Variants in COL4A3 observed in about 807,000 individuals in gnomAD.
COL4A3 encodes the protein collagen type IV alpha 3 chain, also known as collagen alpha-3(IV) chain.
In COL4A3, 135 loss-of-function variants were observed where a neutral mutation model predicts 217.4. That is an observed-to-expected ratio of 0.62 (90% CI 0.54 to 0.72). The LOEUF is 0.72. COL4A3 is among the 30% of genes least tolerant of loss of function. The pLI is 0.00. For missense variants in COL4A3, 1,868 were observed against 2,119.9 expected (o/e 0.88, Z 2.33); for synonymous variants, 690 against 736.3 (o/e 0.94, Z 1.02).
chr2:227,251,105 T>C, intron 9 of COL4A3, 35 bp from the exon 10 acceptor site: 1 of 1,528,162 alleles, frequency 6.5e-7, no homozygotes, highest in Non-Finnish European at 9.1e-7. Context: ...GAGAAGTAAA[T>C]TTAAACTTAC....
rs1390327189 is a variant in COL4A3 at position 227,253,133 on chromosome 2, A to G, written c.646-163A>G. On this transcript the variant is annotated intron_variant, in intron 11 of 51. Transcript: ENST00000396578. This position sits in a 1 kb window ranked among gnomAD's most constrained non-coding sequence, Gnocchi z 4.4. ...CCTTAAGAGCTCCTCCTTTAAAAGAAACATATCAATGCTCTTCTCTAAGAA... is the reference window on the plus strand; with the variant it reads ...CCTTAAGAGCTCCTCCTTTAAAAGAGACATATCAATGCTCTTCTCTAAGAA... 1.3e-5 allele frequency among the ~76,000 whole-genome samples: 2 copies of G among 152,322 alleles called. No individual in the cohort carries two copies. The highest frequency in any genetic ancestry group is 3.9e-4 in the East Asian group (2 of 5,190).
intron 24 of COL4A3, 80 bp from the exon 25 acceptor site, chr2:227,270,690 C>A: frequency 7.1e-7 from 1 of 1,406,734 alleles, no homozygotes; most frequent in Non-Finnish European, 1.0e-6. Context: ...TTGAAAAGTT[C>A]TTGTCCACAC....
intron 1 of COL4A3, among the ~76,000 whole-genome samples, chr2:227,215,120 G>A (rs781334436): frequency 2.0e-5 from 3 of 151,776 alleles, no homozygotes; most frequent in African/African-American, 4.8e-5. Flanking sequence ...TTTTCATTTT[G>A]TGGATAGGTC....
intron 3 of COL4A3, among the ~76,000 whole-genome samples, chr2:227,243,046 T>C (rs1024737671): frequency 1.3e-5 from 2 of 152,322 alleles, no homozygotes; most frequent in African/African-American, 2.4e-5. Flanking sequence ...ACTTCAACCC[T>C]GGACTTAGAT....
Position 227,203,532 on chromosome 2 carries a change from T to C in COL4A3, c.88-34436T>C, listed in dbSNP as rs201050653. On this transcript the variant is annotated intron_variant, in intron 1 of 51. Transcript: ENST00000396578. The stretch of plus-strand genomic sequence containing the variant: ...ATATATGTGTGTATATATGTGTATA[T>C]ATACATATATGTGTGTATATATGTG... Among the ~76,000 whole-genome samples, 11 of 17,922 alleles carry C rather than the reference T, an allele frequency of 6.1e-4. 2 individuals carry two copies. In the South Asian group the frequency reaches 9.9e-3, roughly 16 times the overall value. 11.8% of individuals were successfully genotyped at this position (17,922 alleles called of 152,430 possible).
intron 1 of COL4A3, among the ~76,000 whole-genome samples, chr2:227,205,900 G>A (rs747416215): frequency 6.6e-6 from 1 of 152,186 alleles, no homozygotes; most frequent in Non-Finnish European, 1.5e-5. Flanking sequence ...GCAAGTTGAT[G>A]CATTGTATCT....
At position 227,266,081 on chromosome 2, in the gene COL4A3, A is replaced by T. The variant is rs1200128089; in HGVS notation, c.1316-336A>T. On this transcript the variant is annotated intron_variant, in intron 21 of 51. Transcript: ENST00000396578. ...CTTTCATGACACATGGGGATTATAG[A>T]ACTACAATTCAAGATGAGATTTGGG... is the stretch of plus-strand genomic sequence containing the variant. 3 of 315,068 alleles carry T rather than the reference A, an allele frequency of 9.5e-6. No individual in the cohort carries two copies. The Admixed American group carries it at 1.4e-4, about 15-fold the overall frequency. The allele number at this position is 315,068 out of a possible 1,614,324, so 19.5% of individuals were successfully genotyped here. A position where few individuals can be genotyped will look rare whatever the true frequency, so the allele number is the denominator to read the frequency against.
Position 227,177,617 on chromosome 2 carries a change from G to A in COL4A3, c.87+12804G>A, listed in dbSNP as rs2065726316. Among the ~76,000 whole-genome samples the A allele has an allele frequency of 2.0e-5, 3 of 152,190 alleles. No homozygotes were observed. The South Asian group carries it at 6.2e-4, about 32-fold the overall frequency. On this transcript the variant is annotated intron_variant, in intron 1 of 51. Coordinates refer to ENST00000396578, the MANE Select transcript of COL4A3 (RefSeq NM_000091.5). ...CTTATCTGCTATTTTGCTATTTGAG[G>A]TTTTAGTTACCTGTGGTCAATGGGT...
chr2:227,224,414 G>C (rs560767069), intron 1 of COL4A3, among the ~76,000 whole-genome samples: 28 of 152,252 alleles, frequency 1.8e-4, no homozygotes, highest in Non-Finnish European at 3.1e-4. Context: ...TAAGCTAGTA[G>C]TTTTCCAAAC....
chr2:227,253,171 T>C lies in COL4A3; in HGVS notation c.646-125T>C. On this transcript the variant is annotated intron_variant, in intron 11 of 51. Transcript: ENST00000396578. This position sits in a 1 kb window ranked among gnomAD's most constrained non-coding sequence, Gnocchi z 4.4. ...TCTTCTCTAAGAAATAGCTAAAATATGTATCATTCTAAAATGAAAGTTAAA... is the reference window on the plus strand; with the variant it reads ...TCTTCTCTAAGAAATAGCTAAAATACGTATCATTCTAAAATGAAAGTTAAA... 1 of 794,292 alleles carries C rather than the reference T, an allele frequency of 1.3e-6. No individual in the cohort carries two copies. Among genetic ancestry groups the C allele is most frequent in the Non-Finnish European group, 2.1e-6 (1 of 476,764 alleles). The allele number at this position is 794,292 out of a possible 1,614,324, so 49.2% of individuals were successfully genotyped here. A position where few individuals can be genotyped will look rare whatever the true frequency, so the allele number is the denominator to read the frequency against.
chr2:227,169,477 C>T (rs2065399598), intron 1 of COL4A3, among the ~76,000 whole-genome samples: 2 of 150,916 alleles, frequency 1.3e-5, no homozygotes, highest in Admixed American at 1.3e-4. Flanking sequence ...CTGACTTCCA[C>T]AATGGTTGAA....
rs1335123820 is a variant in COL4A3, at chr2:227,253,197, A to C, written c.646-99A>C. 1.0e-6 allele frequency: 1 copy of C among 964,444 alleles called. No individual in the cohort carries two copies. The highest frequency in any genetic ancestry group is 2.6e-5 in the East Asian group (1 of 39,030). The allele number at this position is 964,444 out of a possible 1,614,324, so 59.7% of individuals were successfully genotyped here. A position where few individuals can be genotyped will look rare whatever the true frequency, so the allele number is the denominator to read the frequency against. On this transcript the variant is annotated intron_variant, in intron 11 of 51. Coordinates refer to ENST00000396578, the MANE Select transcript of COL4A3 (RefSeq NM_000091.5). The surrounding 1 kb of genome is among the most constrained non-coding windows in gnomAD (Gnocchi z 4.4). The stretch of plus-strand genomic sequence containing the variant: ...GTATCATTCTAAAATGAAAGTTAAA[A>C]TATAAATGCTCCCTTACAAATATTG...
At position 227,303,926 on chromosome 2, in the gene COL4A3, A is replaced by G. The variant is rs754872015; in HGVS notation, c.4023A>G (p.Pro1341=). The part of the protein sequence containing the change: ...GPPGPIGPKG[P]PGVRGDPGTL... Reference sequence around the variant, plus strand: ...CAGGACCAATTGGGCCAAAAGGACCACCTGGTAAATAAACGTCCTTACTAT... The same window carrying G: ...CAGGACCAATTGGGCCAAAAGGACCGCCTGGTAAATAAACGTCCTTACTAT... The change falls in exon 45 of 52, where the codon CCA becomes CCG. Residue 1341 remains proline, a synonymous_variant. Transcript: ENST00000396578. 6.2e-7 allele frequency: 1 copy of G among 1,614,252 alleles called. No individual in the cohort carries two copies. The highest frequency in any genetic ancestry group is 1.7e-5 in the Admixed American group (1 of 60,038).
At chr2:227,267,971 G>A (rs1432995998) in intron 23 of COL4A3, among the ~76,000 whole-genome samples, 1 of 152,130 alleles carries the variant, frequency 6.6e-6, no homozygotes, top group Non-Finnish European at 1.5e-5. Context: ...AACTGCCTAT[G>A]GGCAAAACTT....
intron 1 of COL4A3, among the ~76,000 whole-genome samples, chr2:227,224,041 T>C (rs944089175): frequency 6.6e-6 from 1 of 152,150 alleles, no homozygotes; most frequent in Non-Finnish European, 1.5e-5. Flanking sequence ...AAAGTCAACA[T>C]GAAGCAGAGC....
chr2:227,297,980 C>G (rs2073104863), intron 42 of COL4A3, 121 bp downstream of exon 42: 1 of 1,131,472 alleles, frequency 8.8e-7, no homozygotes, highest in East Asian at 2.6e-5. Flanking sequence ...TCTCCATTCC[C>G]CCACTACCTG....
intron 1 of COL4A3, among the ~76,000 whole-genome samples, chr2:227,206,001 A>G (rs1337316929): frequency 6.6e-6 from 1 of 152,176 alleles, no homozygotes; most frequent in Non-Finnish European, 1.5e-5. Flanking sequence ...ACTTGCAAAA[A>G]TACTGATGAC....
intron 28 of COL4A3, among the ~76,000 whole-genome samples, chr2:227,279,247 TTTTTTGTTGTTG>T (rs1484362539): frequency 7.5e-6 from 1 of 132,682 alleles, no homozygotes; most frequent in Non-Finnish European, 1.7e-5. Context: ...CCTGGCTAGT[TTTTTTGTTGTTG>T]TTTTTTTTGT....
chr2:227,177,242 C>T (rs1246829629), intron 1 of COL4A3, among the ~76,000 whole-genome samples: 9 of 151,280 alleles, frequency 5.9e-5, no homozygotes, highest in South Asian at 2.1e-4. Context: ...CTCCGCCTCC[C>T]AGGTTCACAC....
Sources: gnomAD v4.1 joint callset for allele counts (sites outside exome capture counted in the v4.1 genomes callset) on GRCh38, gnomAD v4.1.1 for gene constraint, Gnocchi (gnomAD v3.1) non-coding constraint, MANE v1.5 for transcripts, NCBI Gene and HGNC (gene_info 2026-07-23, HGNC 2026-07-21) for gene names.